SYCP1: variants seen among roughly 807,000 people sequenced by gnomAD.
The protein encoded by SYCP1 is cancer/testis antigen 8.
SYCP1 carries 64 observed loss-of-function variants against 153.1 expected under a neutral mutation model. That is an observed-to-expected ratio of 0.42 (90% CI 0.34 to 0.51). The LOEUF (loss-of-function observed/expected upper bound fraction) is 0.51. Among genes scored for constraint, SYCP1 ranks in the 20% least tolerant of loss-of-function variants. The pLI, the probability that SYCP1 is intolerant of heterozygous loss-of-function variation, is 0.06. For synonymous variants in SYCP1, 384 were observed against 341.8 expected, an observed-to-expected ratio of 1.12 and a Z score of -1.36; for missense variants, 997 against 1,049.0, an observed-to-expected ratio of 0.95 and a Z score of 0.68.
At chr1:114,984,661 A>G in intron 29 of SYCP1, 64 bp from the exon 30 acceptor site, 1 of 1,212,034 alleles carries the variant, frequency 8.3e-7, no homozygotes, top group Non-Finnish European at 1.1e-6. Flanking sequence ...TATTTGTGAA[A>G]CCCTTTATTA....
At chr1:114,974,124 T>C (rs533743449) in intron 27 of SYCP1, among the ~76,000 whole-genome samples, 59 of 152,040 alleles carry the variant, frequency 3.9e-4, no homozygotes, top group Non-Finnish European at 6.5e-4. Flanking sequence ...ATTGAATCTG[T>C]AATCCAAGAG....
intron 15 of SYCP1, among the ~76,000 whole-genome samples, chr1:114,888,800 A>T (rs921900481): frequency 9.2e-5 from 14 of 151,938 alleles, no homozygotes; most frequent in Non-Finnish European, 1.8e-4. Context: ...GGTTTGCTGC[A>T]CCCCTCAACT....
At chr1:114,881,257 T>C (rs1300302450) in intron 12 of SYCP1, among the ~76,000 whole-genome samples, 1 of 152,194 alleles carries the variant, frequency 6.6e-6, no homozygotes, top group Non-Finnish European at 1.5e-5. Context: ...TTTTTCAATT[T>C]CTTTGCTCTT....
chr1:114,928,195 T>C (rs969082125), intron 23 of SYCP1, among the ~76,000 whole-genome samples: 3 of 152,098 alleles, frequency 2.0e-5, no homozygotes, highest in African/African-American at 7.2e-5. Flanking sequence ...TCCATGGCCC[T>C]CAGCAAATCC....
intron 15 of SYCP1, 34 bp downstream of exon 15, chr1:114,887,727 A>C: frequency 7.7e-7 from 1 of 1,301,400 alleles, no homozygotes; most frequent in South Asian, 1.8e-5. Context: ...GTACTTTAAT[A>C]ATATTAACTT....
rs1399703803 is a variant in SYCP1, at chr1:114,855,548, G to A, written c.84G>A (p.Leu28=). 1.2e-6 allele frequency: 2 copies of A among 1,608,056 alleles called. No homozygotes were observed. Among genetic ancestry groups the A allele is most frequent in the Non-Finnish European group, 1.7e-6 (2 of 1,176,614 alleles). ...TGTCTGCGGTGAAACCTCAGACCCTGGGAGGCGATTCCACTTTCTTCAAGG... is the reference window on the plus strand; with the variant it reads ...TGTCTGCGGTGAAACCTCAGACCCTAGGAGGCGATTCCACTTTCTTCAAGG... ...SQVSAVKPQT[L]GGDSTFFKSF... is the part of the protein sequence containing the mutation. Residue 28 remains leucine (L), a synonymous_variant, in exon 2 of 32, where the codon CTG becomes CTA. Coordinates refer to ENST00000369522, the MANE Select transcript of SYCP1 (RefSeq NM_003176.4).
At chr1:114,933,763 A>G (rs1432556370) in intron 23 of SYCP1, among the ~76,000 whole-genome samples, 1 of 152,210 alleles carries the variant, frequency 6.6e-6, no homozygotes, top group Non-Finnish European at 1.5e-5. Flanking sequence ...GCATGCATGC[A>G]CAAGCTTCAG....
At position 114,886,313 on chromosome 1, in the gene SYCP1, A is replaced by T. The variant is rs1466948707; in HGVS notation, c.1190+4A>T. The T allele has an allele frequency of 6.6e-7, 1 of 1,510,076 alleles. No homozygotes were observed. Among genetic ancestry groups the T allele is most frequent in the Admixed American group, 2.3e-5 (1 of 42,816 alleles). The allele number at this position is 1,510,076 out of a possible 1,614,324, so 93.5% of individuals were successfully genotyped here. A position where few individuals can be genotyped will look rare whatever the true frequency, so the allele number is the denominator to read the frequency against. The stretch of plus-strand genomic sequence containing the variant: ...TATTGAGAACAGAACAGCAAAGGTA[A>T]AATATTTATTATTTTTAATACACAA... On this transcript the variant is annotated splice_donor_region_variant and intron_variant, in intron 14 of 31. Transcript: ENST00000369522.
Position 114,961,117 on chromosome 1 carries a change from T to C in SYCP1, c.2322+13797T>C, listed in dbSNP as rs577358307. Among the ~76,000 whole-genome samples, 8 of 152,322 alleles carry C rather than the reference T, an allele frequency of 5.3e-5. No individual in the cohort carries two copies. The South Asian group carries it at 1.7e-3, about 32-fold the overall frequency. On this transcript the variant is annotated intron_variant, in intron 27 of 31. Transcript: ENST00000369522. The stretch of plus-strand genomic sequence containing the variant: ...TTTCCAGGAATTTATCCATCTCTTC[T>C]AGGTTTTCTAGTTTGTGCATGTTAA...
chr1:114,938,027 C>G (rs185252711), intron 23 of SYCP1, among the ~76,000 whole-genome samples: 3 of 152,098 alleles, frequency 2.0e-5, no homozygotes, highest in African/African-American at 4.8e-5. Context: ...TACCATTTGA[C>G]CCAGAGATCC....
intron 23 of SYCP1, among the ~76,000 whole-genome samples, chr1:114,938,270 C>T (rs188316565): frequency 1.3e-4 from 20 of 152,154 alleles, no homozygotes; most frequent in African/African-American, 4.6e-4. Context: ...AGCTGGAAAC[C>T]ATCATTCTGA....
intron 26 of SYCP1, among the ~76,000 whole-genome samples, chr1:114,946,786 C>T (rs905533792): frequency 6.6e-6 from 1 of 152,130 alleles, no homozygotes; most frequent in African/African-American, 2.4e-5. Context: ...GTCCCCCAGG[C>T]TGGAGTGCAC....
chr1:114,935,928 T>C (rs1256102559), intron 23 of SYCP1, among the ~76,000 whole-genome samples: 1 of 151,928 alleles, frequency 6.6e-6, no homozygotes. Context: ...CCAACCAAAA[T>C]AAGTCCAGGA....
At chr1:114,906,170 T>A (rs1471080566) in intron 16 of SYCP1, among the ~76,000 whole-genome samples, 6 of 152,126 alleles carry the variant, frequency 3.9e-5, no homozygotes. Context: ...TTTCACCGTA[T>A]TGGCCAGGCT....
chr1:114,932,918 C>T (rs1181320069), intron 23 of SYCP1, among the ~76,000 whole-genome samples: 1 of 152,198 alleles, frequency 6.6e-6, no homozygotes, highest in Non-Finnish European at 1.5e-5. Flanking sequence ...TGGGTGGAAC[C>T]CACTACAGCT....
At chr1:114,911,133 GTTTT>G in intron 17 of SYCP1, among the ~76,000 whole-genome samples, 1 of 151,800 alleles carries the variant, frequency 6.6e-6, no homozygotes, top group South Asian at 2.1e-4. Context: ...GAACATTTTA[GTTTT>G]TTAAGACACT....
intron 12 of SYCP1, among the ~76,000 whole-genome samples, chr1:114,881,367 G>C (rs989510279): frequency 2.6e-5 from 4 of 152,010 alleles, no homozygotes; most frequent in Non-Finnish European, 5.9e-5. Flanking sequence ...GTGATTAGCT[G>C]TCATAGATTC....
At chr1:114,910,719 T>C (rs541820173) in intron 17 of SYCP1, among the ~76,000 whole-genome samples, 9 of 152,310 alleles carry the variant, frequency 5.9e-5, no homozygotes, top group Non-Finnish European at 1.2e-4. Context: ...ATCAATATGA[T>C]GCATTATGCT....
At chr1:114,950,864 T>C (rs1283206556) in intron 27 of SYCP1, among the ~76,000 whole-genome samples, 3 of 149,754 alleles carry the variant, frequency 2.0e-5, no homozygotes, top group East Asian at 3.9e-4. Flanking sequence ...TCACTCTGTC[T>C]CCCAGGCTGG....
Sources: allele counts gnomAD v4.1 joint callset (sites outside exome capture counted in the v4.1 genomes callset), GRCh38; gene constraint gnomAD v4.1.1; transcripts MANE v1.5; gene names NCBI Gene and HGNC (gene_info 2026-07-23, HGNC 2026-07-21).